ATG7: variants seen among roughly 807,000 people sequenced by gnomAD.
ATG7 encodes ubiquitin-like modifier-activating enzyme ATG7.
ATG7 carries 70 observed loss-of-function variants against 82.4 expected under a neutral mutation model. That is an observed-to-expected ratio of 0.85 (90% CI 0.70 to 1.04). The LOEUF is 1.04. ATG7 is among the 50% of genes least tolerant of loss of function. The probability of loss-of-function intolerance (pLI) is 0.00; values close to 1 mark genes in which losing one functional copy is unlikely to be tolerated. For synonymous variants in ATG7, 287 were observed against 313.0 expected, an observed-to-expected ratio of 0.92 and a Z score of 0.88; for missense variants, 792 against 864.3, an observed-to-expected ratio of 0.92 and a Z score of 1.05.
rs1310243218 is a variant in ATG7 at position 11,405,595 on chromosome 3, A to G, written c.1957-21209A>G. ...CCCTATTTGGCAATAATTATATTTT[A>G]CAAGTAGTAAGTATGTAGCATTTCT... is the stretch of plus-strand genomic sequence containing the variant. On this transcript the variant is annotated intron_variant, in intron 19 of 20. Transcript: ENST00000693202. Among the ~76,000 whole-genome samples, 3 of 152,080 alleles carry G rather than the reference A, an allele frequency of 2.0e-5. No homozygotes were observed. The East Asian group carries it at 5.8e-4, about 29-fold the overall frequency.
At position 11,360,736 on chromosome 3, in the gene ATG7, T is replaced by C. The variant is rs2076232235; in HGVS notation, c.1635T>C (p.Gly545=). The change falls in exon 16 of 21, where the codon GGT becomes GGC. Residue 545 remains glycine (G), a synonymous_variant. Transcript: ENST00000693202. ...LGSSLFANIP[G]YKLGCYFCND... ...CATCGCTTTTTGCCAACATCCCTGGTTACAAGCTTGGCTGCTACTTCTGCA... is the reference window on the plus strand; with the variant it reads ...CATCGCTTTTTGCCAACATCCCTGGCTACAAGCTTGGCTGCTACTTCTGCA... The C allele has an allele frequency of 6.2e-7, 1 of 1,614,188 alleles. No individual in the cohort carries two copies. Among genetic ancestry groups the C allele is most frequent in the Non-Finnish European group, 8.5e-7 (1 of 1,180,022 alleles).
intron 20 of ATG7, among the ~76,000 whole-genome samples, chr3:11,433,145 T>G (rs2083057657): frequency 6.6e-6 from 1 of 151,890 alleles, no homozygotes; most frequent in Non-Finnish European, 1.5e-5. Flanking sequence ...AAATTAGAAA[T>G]TAGCCAGGCA....
chr3:11,492,710 A>G (rs986791974), intron 20 of ATG7, among the ~76,000 whole-genome samples: 7 of 152,276 alleles, frequency 4.6e-5, no homozygotes, highest in East Asian at 1.9e-4. Flanking sequence ...AAGTGCAGGA[A>G]CTAGCCGGTC....
intron 20 of ATG7, among the ~76,000 whole-genome samples, chr3:11,447,470 GAAA>G (rs764275667): frequency 7.4e-6 from 1 of 135,512 alleles, no homozygotes. Context: ...CCGTCTCAGG[GAAA>G]AAAAAAAAAA....
At chr3:11,438,433 G>T (rs1183787767) in intron 20 of ATG7, among the ~76,000 whole-genome samples, 1 of 152,218 alleles carries the variant, frequency 6.6e-6, no homozygotes, top group Non-Finnish European at 1.5e-5. Flanking sequence ...AGGCGTGGTG[G>T]CTTGTACCTG....
chr3:11,504,132 G>A (rs1222691867), intron 20 of ATG7, among the ~76,000 whole-genome samples: 5 of 152,070 alleles, frequency 3.3e-5, no homozygotes, highest in Non-Finnish European at 7.4e-5. Context: ...CAAAACAGTG[G>A]GAACAAAAGA....
chr3:11,330,754 C>G (rs1295930163), intron 9 of ATG7, among the ~76,000 whole-genome samples: 1 of 152,198 alleles, frequency 6.6e-6, no homozygotes, highest in Non-Finnish European at 1.5e-5. Flanking sequence ...GACAGGCCAA[C>G]TACTTCTGCC....
intron 3 of ATG7, among the ~76,000 whole-genome samples, chr3:11,285,370 C>T (rs1943821582): frequency 6.6e-6 from 1 of 150,710 alleles, no homozygotes; most frequent in African/African-American, 2.4e-5. Context: ...GAGATGGGGG[C>T]CCACCGTGTT....
At chr3:11,335,800 C>T (rs562365074) in intron 11 of ATG7, among the ~76,000 whole-genome samples, 3 of 152,234 alleles carry the variant, frequency 2.0e-5, no homozygotes, top group African/African-American at 4.8e-5. Flanking sequence ...TGGGTTCAAG[C>T]GATTCTCCAG....
At position 11,426,881 on chromosome 3, in the gene ATG7, C is replaced by G. The variant is rs757597458; in HGVS notation, c.2034C>G (p.Asp678Glu). ...VFNSSHSFLE[D>E]LTGLTLLHQE... ...ATTCTTCACATTCCTTCTTAGAAGA[C>G]TTGACTGGTCTTACATTGCTGCATC... Residue 678 changes from aspartate (D) to glutamate (E), a missense_variant, in exon 20 of 21, where the codon GAC (aspartate) becomes GAG (glutamate). Coordinates refer to ENST00000693202, the MANE Select transcript of ATG7 (RefSeq NM_001349232.2). 1.2e-6 allele frequency: 2 copies of G among 1,611,378 alleles called. No individual in the cohort carries two copies. The highest frequency in any genetic ancestry group is 1.7e-6 in the Non-Finnish European group (2 of 1,178,946).
At chr3:11,393,841 A>T (rs7640339) in intron 19 of ATG7, among the ~76,000 whole-genome samples, 2,343 of 152,106 alleles carry the variant, frequency 0.015, 66 homozygotes, top group African/African-American at 0.054. Flanking sequence ...CCACCACACC[A>T]GGCTAATTGT....
intron 11 of ATG7, 150 bp from the exon 12 acceptor site, chr3:11,340,495 C>G (rs553393478): frequency 1.7e-6 from 1 of 602,914 alleles, no homozygotes; most frequent in African/African-American, 1.9e-5. Context: ...AATTCAGGCC[C>G]TCAAGTCTCT....
downstream of ATG7, among the ~76,000 whole-genome samples, chr3:11,559,962 C>A (rs1012564067): frequency 1.3e-5 from 2 of 152,138 alleles, no homozygotes; most frequent in Non-Finnish European, 2.9e-5. Flanking sequence ...CAAATCGGGA[C>A]AGAGAGGAAA....
At chr3:11,527,905 A>C (rs980685622) in intron 20 of ATG7, among the ~76,000 whole-genome samples, 1 of 152,234 alleles carries the variant, frequency 6.6e-6, no homozygotes, top group African/African-American at 2.4e-5. Context: ...TGTGACTACA[A>C]ACACAGTAAT....
intron 18 of ATG7, among the ~76,000 whole-genome samples, chr3:11,371,970 C>T (rs931465772): frequency 3.3e-5 from 5 of 151,306 alleles, no homozygotes; most frequent in African/African-American, 4.9e-5. Context: ...AGCCCGGGAG[C>T]GAGGCCAAAC....
At chr3:11,451,757 A>AC in intron 20 of ATG7, among the ~76,000 whole-genome samples, 1 of 94,484 alleles carries the variant, frequency 1.1e-5, no homozygotes, top group Non-Finnish European at 2.6e-5. Context: ...CATAGAAAAT[A>AC]TTACGTGTAT....
At chr3:11,442,752 A>C (rs910563146) in intron 20 of ATG7, among the ~76,000 whole-genome samples, 18 of 143,320 alleles carry the variant, frequency 1.3e-4, no homozygotes, top group East Asian at 4.0e-4. Context: ...AAAAAAAAAA[A>C]AAAAAAAAAA....
chr3:11,327,815 T>TC (rs1254113552), intron 9 of ATG7, among the ~76,000 whole-genome samples: 2 of 152,154 alleles, frequency 1.3e-5, no homozygotes, highest in African/African-American at 2.4e-5. Context: ...TCCATGGGTG[T>TC]ATGAATCACC....
chr3:11,510,140 C>T, intron 20 of ATG7: 1 of 445,100 alleles, frequency 2.2e-6, no homozygotes, highest in Non-Finnish European at 4.5e-6. Flanking sequence ...AGGTACGTGC[C>T]TGACACAGAG....
Sources: gnomAD v4.1 joint callset for allele counts (sites outside exome capture counted in the v4.1 genomes callset) on GRCh38, gnomAD v4.1.1 for gene constraint, MANE v1.5 for transcripts, NCBI Gene and HGNC (gene_info 2026-07-23, HGNC 2026-07-21) for gene names.